Variants in TRPA1 observed in about 807,000 individuals in gnomAD.
TRPA1 encodes the protein ankyrin-like with transmembrane domains 1.
A neutral mutation model predicts 131.3 loss-of-function variants in TRPA1; 129 were observed. The ratio of observed to expected loss-of-function variants is 0.98; its 90% CI spans 0.85 to 1.14. The LOEUF is 1.14. Among genes scored for constraint, TRPA1 ranks in the 50% most tolerant of loss-of-function variants. The pLI is 0.00. For missense variants in TRPA1, 1,304 were observed against 1,354.2 expected, an observed-to-expected ratio of 0.96 and a Z score of 0.58; for synonymous variants, 441 against 451.7, an observed-to-expected ratio of 0.98 and a Z score of 0.30.
rs1330055521 is a variant in TRPA1, at chr8:72,023,021, T to C, written c.3245A>G (p.Asp1082Gly). The C allele has an allele frequency of 6.2e-7, 1 of 1,613,866 alleles. No individual in the cohort carries two copies. The highest frequency in any genetic ancestry group is 8.5e-7 in the Non-Finnish European group (1 of 1,179,862). Residue 1082 changes from aspartate (D) to glycine (G), a missense_variant, in exon 27 of 27, where the codon GAT becomes GGT. Physicochemically the swap from Asp to Gly is moderately conservative, Grantham distance 94 (BLOSUM62 -1). Transcript: ENST00000262209. ...MEIISETEDD[D>G]SHCSFQDRFK... ...CCTGTCTTGAAAAGAACAATGGCTATCATCATCCTCTGTCTCAGAGATGAT... is the reference window on the plus strand; with the variant it reads ...CCTGTCTTGAAAAGAACAATGGCTACCATCATCCTCTGTCTCAGAGATGAT...
rs761047379 is a variant in TRPA1, at chr8:72,039,695, G to A, written c.2132+32C>T. 2.3e-6 allele frequency: 3 copies of A among 1,316,044 alleles called. No individual in the cohort carries two copies. In the South Asian group the frequency reaches 3.5e-5, roughly 15 times the overall value. The allele number at this position is 1,316,044 out of a possible 1,614,324, so 81.5% of individuals were successfully genotyped here. On this transcript the variant is annotated intron_variant, in intron 18 of 26. Transcript: ENST00000262209. ...CTTTGTAATAGATCCAATAGACACA[G>A]CATTAAACAAGAAATACTACTCAAT...
chr8:72,029,916 C>T lies in TRPA1; in HGVS notation c.2922G>A (p.Lys974=). 6.2e-7 allele frequency: 1 copy of T among 1,613,938 alleles called. No individual in the cohort carries two copies. Among genetic ancestry groups the T allele is most frequent in the Non-Finnish European group, 8.5e-7 (1 of 1,179,850 alleles). ...IAEVQKHASL[K]RIAMQVELHT... ...CTGCACTTACCTGCATAGCTATCCT[C>T]TTCAATGATGCATGTTTCTGGACCT... Residue 974 remains lysine (K), a synonymous_variant, in exon 24 of 27, where the codon AAG becomes AAA. Coordinates refer to ENST00000262209, the MANE Select transcript of TRPA1 (RefSeq NM_007332.3).
chr8:72,068,981 G>A (rs1265232095), intron 3 of TRPA1, 42 bp downstream of exon 3: 2 of 1,610,590 alleles, frequency 1.2e-6, no homozygotes. Context: ...CCCAGCACCT[G>A]CACCGCCGGT....
At chr8:72,063,696 G>A (rs1002692999) in intron 4 of TRPA1, 125 bp from the exon 5 acceptor site, 5 of 666,598 alleles carry the variant, frequency 7.5e-6, no homozygotes, top group Admixed American at 4.9e-5. Flanking sequence ...TACATAGAGA[G>A]CTTCATATGT....
chr8:72,031,131 A>T (rs935424091), intron 23 of TRPA1, among the ~76,000 whole-genome samples: 1 of 152,214 alleles, frequency 6.6e-6, no homozygotes, highest in Non-Finnish European at 1.5e-5. Flanking sequence ...ATGAATGAAG[A>T]CAGGGAGAAT....
intron 1 of TRPA1, 118 bp downstream of exon 1, chr8:72,075,181 A>G: frequency 2.5e-6 from 2 of 792,914 alleles, no homozygotes; most frequent in Admixed American, 3.7e-5. Context: ...TTGTGCACAC[A>G]CCCCAAAGCT....
chr8:72,088,258 A>G, the TRPA1 span, among the ~76,000 whole-genome samples: 1 of 150,864 alleles, frequency 6.6e-6, no homozygotes, highest in Non-Finnish European at 1.5e-5. Context: ...ACAACTTTGT[A>G]TATTCAATCC....
intron 15 of TRPA1, among the ~76,000 whole-genome samples, chr8:72,050,119 G>A (rs1209837861): frequency 1.3e-5 from 2 of 152,012 alleles, no homozygotes; most frequent in Non-Finnish European, 2.9e-5. Context: ...ACAGGCCCCG[G>A]TGTGTGATGT....
intron 24 of TRPA1, among the ~76,000 whole-genome samples, chr8:72,028,749 G>C (rs920152338): frequency 1.3e-5 from 2 of 151,980 alleles, no homozygotes; most frequent in African/African-American, 4.8e-5. Context: ...GTTTCCTCTG[G>C]GCTCTCATGA....
At chr8:72,071,945 A>G in intron 1 of TRPA1, 78 bp from the exon 2 acceptor site, 1 of 1,331,064 alleles carries the variant, frequency 7.5e-7, no homozygotes, top group Non-Finnish European at 1.1e-6. Context: ...AGCCTGAAAG[A>G]ACTTATTATT....
At chr8:72,083,609 G>A in the TRPA1 span, among the ~76,000 whole-genome samples, 1 of 151,964 alleles carries the variant, frequency 6.6e-6, no homozygotes, top group African/African-American at 2.4e-5. Context: ...CGGGCATGGT[G>A]GCAGGCGTCT....
the TRPA1 span, among the ~76,000 whole-genome samples, chr8:72,088,214 T>C: frequency 1.3e-5 from 2 of 152,244 alleles, no homozygotes; most frequent in Non-Finnish European, 2.9e-5. Flanking sequence ...AGCATTCTTT[T>C]GCCTATGTTT....
chr8:72,052,980 T>TGTGTGG, intron 13 of TRPA1: 1 of 405,598 alleles, frequency 2.5e-6, no homozygotes. Flanking sequence ...TGTGTGTGTG[T>TGTGTGG]GTGTGTGTGT....
chr8:72,055,756 G>A lies in TRPA1; in HGVS notation c.1294C>T (p.Leu432=), dbSNP rs769920679. Residue 432 remains leucine, a synonymous_variant, in exon 11 of 27, where the codon CTA becomes TTA. Transcript: ENST00000262209. ...RQGGPGSVNN[L]LGFNVSIHSK... is the part of the protein sequence containing the mutation. Reference sequence around the variant, plus strand: ...TGAATGGACACATTAAAGCCAAGTAGGTTATTTACAGAACCAGGGCCCCCC... The same window carrying A: ...TGAATGGACACATTAAAGCCAAGTAAGTTATTTACAGAACCAGGGCCCCCC... 6.2e-7 allele frequency: 1 copy of A among 1,612,856 alleles called. No individual in the cohort carries two copies. The highest frequency in any genetic ancestry group is 8.5e-7 in the Non-Finnish European group (1 of 1,179,286).
At chr8:72,068,954 G>T (rs1006396180) in intron 3 of TRPA1, 69 bp downstream of exon 3, 2 of 1,530,256 alleles carry the variant, frequency 1.3e-6, no homozygotes, top group Admixed American at 3.3e-5. Flanking sequence ...TGCAAGCAGA[G>T]AGAGCTGGAT....
At chr8:72,059,496 T>C (rs1419558840) in intron 7 of TRPA1, 58 bp from the exon 8 acceptor site, 4 of 1,066,890 alleles carry the variant, frequency 3.7e-6, no homozygotes, top group Non-Finnish European at 2.8e-6. Context: ...AAATAAAATG[T>C]ATTTAATAAA....
chr8:72,061,880 G>T, intron 6 of TRPA1, 119 bp from the exon 7 acceptor site: 1 of 1,074,166 alleles, frequency 9.3e-7, no homozygotes, highest in South Asian at 1.3e-5. Flanking sequence ...CTATCAGGCT[G>T]ATCACCATTA....
At chr8:72,038,629 A>G (rs1755319571) in intron 19 of TRPA1, 3 of 457,050 alleles carry the variant, frequency 6.6e-6, no homozygotes, top group South Asian at 2.8e-5. Flanking sequence ...TTAAGCTAGC[A>G]TCTAACACAT....
At chr8:72,023,202 G>C in intron 26 of TRPA1, 86 bp from the exon 27 acceptor site, 1 of 410,088 alleles carries the variant, frequency 2.4e-6, no homozygotes, top group Non-Finnish European at 3.3e-6. Flanking sequence ...TTTTAACCTC[G>C]GTCCCTTCTG....
Sources: gnomAD v4.1 joint callset for allele counts (sites outside exome capture counted in the v4.1 genomes callset) on GRCh38, gnomAD v4.1.1 for gene constraint, MANE v1.5 for transcripts, NCBI Gene and HGNC (gene_info 2026-07-23, HGNC 2026-07-21) for gene names.